Variants in FOXK2 observed in about 807,000 individuals in gnomAD.
The protein encoded by FOXK2 is forkhead box protein K2.
Under a neutral mutation model 53.3 loss-of-function variants are expected in FOXK2, and 24 were observed. The ratio of observed to expected loss-of-function variants is 0.45; its 90% CI spans 0.33 to 0.63. FOXK2 has a LOEUF of 0.63. Ranked by LOEUF, FOXK2 falls within the 30% of genes least tolerant of loss-of-function variation. The pLI is 0.03. For missense variants in FOXK2, 952 were observed against 910.5 expected (o/e 1.05, Z -0.59); for synonymous variants, 505 against 407.1 (o/e 1.24, Z -2.89).
At chr17:82,584,792 T>C (rs1014083288) in intron 6 of FOXK2, among the ~76,000 whole-genome samples, 9 of 152,172 alleles carry the variant, frequency 5.9e-5, no homozygotes, top group Non-Finnish European at 2.9e-5. Context: ...GACCTCATGA[T>C]CCACCTGCCT....
intron 1 of FOXK2, 105 bp from the exon 2 acceptor site, chr17:82,563,249 G>A (rs2044816433): frequency 1.9e-6 from 2 of 1,035,906 alleles, no homozygotes; most frequent in African/African-American, 1.6e-5. Context: ...TGGAAGTGTT[G>A]CATCCATGTT....
chr17:82,577,353 A>G, intron 4 of FOXK2: 1 of 675,124 alleles, frequency 1.5e-6, no homozygotes, highest in Non-Finnish European at 2.6e-6. Context: ...GAGGTGGAGG[A>G]GAAAGACAGC....
chr17:82,544,578 A>G (rs1258373287), intron 1 of FOXK2, among the ~76,000 whole-genome samples: 1 of 152,192 alleles, frequency 6.6e-6, no homozygotes, highest in Non-Finnish European at 1.5e-5. Context: ...TCTGTTGCTG[A>G]ACTCATGAAT....
intron 1 of FOXK2, among the ~76,000 whole-genome samples, chr17:82,557,649 C>CT (rs2044745124): frequency 6.6e-6 from 1 of 151,778 alleles, no homozygotes. Flanking sequence ...CCGGCCTCTG[C>CT]CTTTTTTAAA....
intron 1 of FOXK2, among the ~76,000 whole-genome samples, chr17:82,550,690 A>C (rs2044668541): frequency 6.6e-6 from 1 of 151,908 alleles, no homozygotes; most frequent in African/African-American, 2.4e-5. Flanking sequence ...ATTTTTTAAT[A>C]GAGACAGGGT....
intron 8 of FOXK2, among the ~76,000 whole-genome samples, chr17:82,596,827 A>G (rs796190375): frequency 1.6e-4 from 25 of 152,044 alleles, no homozygotes; most frequent in African/African-American, 5.3e-4. Flanking sequence ...TATTCCACAG[A>G]CCACCCCCTC....
At chr17:82,569,492 G>A (rs1234037879) in intron 3 of FOXK2, among the ~76,000 whole-genome samples, 1 of 152,168 alleles carries the variant, frequency 6.6e-6, no homozygotes, top group Non-Finnish European at 1.5e-5. Context: ...GGCTGAGAGG[G>A]CCCATACGAG....
intron 1 of FOXK2, among the ~76,000 whole-genome samples, chr17:82,547,365 T>C (rs1213791530): frequency 6.6e-6 from 1 of 152,086 alleles, no homozygotes; most frequent in Non-Finnish European, 1.5e-5. Context: ...GCTGGTAAGC[T>C]GAAAAAATCA....
chr17:82,568,500 A>G (rs1429823780), intron 3 of FOXK2, among the ~76,000 whole-genome samples: 1 of 152,286 alleles, frequency 6.6e-6, no homozygotes, highest in East Asian at 1.9e-4. Flanking sequence ...TGTGGAGCTC[A>G]TGTGTGTTTG....
Position 82,570,131 on chromosome 17 carries a change from A to G in FOXK2, c.763-1593A>G, listed in dbSNP as rs1461855792. 2.0e-5 allele frequency among the ~76,000 whole-genome samples: 3 copies of G among 152,094 alleles called. No homozygotes were observed. The East Asian group carries it at 5.8e-4, about 29-fold the overall frequency. On this transcript the variant is annotated intron_variant, in intron 3 of 8. Coordinates refer to ENST00000335255, the MANE Select transcript of FOXK2 (RefSeq NM_004514.4). ...CAGCTACTCGGGAGGCTGAGGCAGG[A>G]GAATGGCGTGAACCCGGGAGGTGGA...
In FOXK2 at chr17:82,604,516, T is replaced by C. The variant is rs1463214359; in HGVS notation, c.*3017T>C. The C allele has an allele frequency of 6.6e-6, 1 of 152,570 alleles. No homozygotes were observed. Among genetic ancestry groups the C allele is most frequent in the Non-Finnish European group, 1.5e-5 (1 of 68,032 alleles). The allele number at this position is 152,570 out of a possible 1,614,324, so 9.5% of individuals were successfully genotyped here. A position where few individuals can be genotyped will look rare whatever the true frequency, so the allele number is the denominator to read the frequency against. ...TCCTAACTTCCACTATTCTAGAAAG[T>C]ATAGTGGTGATTTGTGTGCAAAGAT... is the stretch of plus-strand genomic sequence containing the variant. On this transcript the variant is annotated 3_prime_UTR_variant, in exon 9 of 9. Transcript: ENST00000335255.
In FOXK2 at chr17:82,573,556, T is replaced by TCA. The variant is rs1306989038; in HGVS notation, c.909+1687_909+1688insAC. Among the ~76,000 whole-genome samples, 10 of 116,564 alleles carry TCA rather than the reference T, an allele frequency of 8.6e-5. 1 individual carries two copies. The highest frequency in any genetic ancestry group is 6.4e-4 in the South Asian group (2 of 3,126). The allele number at this position is 116,564 out of a possible 152,430, so 76.5% of individuals were successfully genotyped here. ...CACACACTCTCTCTCTCTCTCTCTC[T>TCA]CTCTCTCACACACACACACACACAC... On this transcript the variant is annotated intron_variant, in intron 4 of 8. Transcript: ENST00000335255.
At chr17:82,587,568 C>T (rs970293699) in intron 8 of FOXK2, 17 of 430,192 alleles carry the variant, frequency 4.0e-5, no homozygotes, top group South Asian at 1.1e-4. Context: ...CGGCCTGAAA[C>T]GGCGGGAGCC....
intron 1 of FOXK2, among the ~76,000 whole-genome samples, chr17:82,541,724 C>T (rs8066073): frequency 1 from 151,213 of 151,342 alleles, 75,542 homozygotes; most frequent in Middle Eastern, 1. Flanking sequence ...TGATTTTTTT[C>T]TTAATAGATG....
chr17:82,528,241 C>T (rs977320055), intron 1 of FOXK2, among the ~76,000 whole-genome samples: 1 of 152,142 alleles, frequency 6.6e-6, no homozygotes, highest in African/African-American at 2.4e-5. Context: ...TGGAAATATT[C>T]CAGGAGATGA....
chr17:82,575,273 G>T (rs1395105407), intron 4 of FOXK2, among the ~76,000 whole-genome samples: 1 of 152,156 alleles, frequency 6.6e-6, no homozygotes, highest in East Asian at 1.9e-4. Context: ...AACCCAGAGA[G>T]CCTAACAAAC....
chr17:82,591,521 C>T (rs1001651763), intron 8 of FOXK2, among the ~76,000 whole-genome samples: 2 of 152,114 alleles, frequency 1.3e-5, no homozygotes, highest in Non-Finnish European at 2.9e-5. Flanking sequence ...AAGGGAAGCC[C>T]CAGAAATGTG....
At chr17:82,589,543 T>G (rs1382066753) in intron 8 of FOXK2, among the ~76,000 whole-genome samples, 1 of 152,278 alleles carries the variant, frequency 6.6e-6, no homozygotes, top group Non-Finnish European at 1.5e-5. Flanking sequence ...ACCACCTGAT[T>G]CGTTCTGTAT....
chr17:82,556,510 G>A (rs937844812), intron 1 of FOXK2, among the ~76,000 whole-genome samples: 12 of 151,068 alleles, frequency 7.9e-5, no homozygotes, highest in Non-Finnish European at 1.5e-4. Context: ...GCTCATCAAC[G>A]TGGAGAGGCT....
Sources: gnomAD v4.1 joint callset for allele counts (sites outside exome capture counted in the v4.1 genomes callset) on GRCh38, gnomAD v4.1.1 for gene constraint, MANE v1.5 for transcripts, NCBI Gene and HGNC (gene_info 2026-07-23, HGNC 2026-07-21) for gene names.